NEMP2: variants seen among roughly 807,000 people sequenced by gnomAD.
The protein encoded by NEMP2 is UPF0571 transmembrane protein.
In NEMP2, 53 loss-of-function variants were observed where a neutral mutation model predicts 54.2. That is an observed-to-expected ratio of 0.98 (90% confidence interval 0.78 to 1.23). The LOEUF (loss-of-function observed/expected upper bound fraction) is 1.23, where lower values mean the gene tolerates loss of function less well. Ranked by LOEUF, NEMP2 falls within the 50% of genes most tolerant of loss-of-function variation. The pLI is 0.00. For missense variants in NEMP2, 455 were observed against 511.3 expected (o/e 0.89, Z 1.06); for synonymous variants, 197 against 190.3 (o/e 1.04, Z -0.29).
the NEMP2 span, among the ~76,000 whole-genome samples, chr2:190,576,139 T>A: frequency 6.6e-6 from 1 of 152,080 alleles, no homozygotes; most frequent in African/African-American, 2.4e-5. Context: ...TGGCTTATTT[T>A]AAAATTTTTT....
chr2:190,444,884 T>TA, the NEMP2 span: 5 of 835,996 alleles, frequency 6.0e-6, no homozygotes, highest in Non-Finnish European at 7.2e-6. Context: ...AAAATCATAG[T>TA]AAAAAGTGAC....
chr2:190,633,081 C>T, the NEMP2 span, among the ~76,000 whole-genome samples: 16 of 152,262 alleles, frequency 1.1e-4, no homozygotes, highest in Non-Finnish European at 1.9e-4. Flanking sequence ...AAATCTACTT[C>T]TTTTAAGGTC....
At chr2:190,558,929 TATG>T in the NEMP2 span, among the ~76,000 whole-genome samples, 5 of 152,094 alleles carry the variant, frequency 3.3e-5, no homozygotes, top group African/African-American at 7.2e-5. The surrounding 1 kb of genome is among the most constrained non-coding windows in gnomAD (Gnocchi z 4.4). Flanking sequence ...GTAAAGAAAA[TATG>T]ATGAAACTTT....
rs1392849305 is a variant in NEMP2 at position 190,510,135 on chromosome 2, T to G, written c.1130+226A>C. Among the ~76,000 whole-genome samples the G allele has an allele frequency of 6.6e-6, 1 of 152,212 alleles. No individual in the cohort carries two copies. The highest frequency in any genetic ancestry group is 1.5e-5 in the Non-Finnish European group (1 of 68,032). ...CTTCCCTTCGCATAGGGAAGTTATC[T>G]TTATAGCCTTCCCTATAAAACATCA... On this transcript the variant is annotated intron_variant, in intron 8 of 8. Transcript: ENST00000409150. This position sits in a 1 kb window ranked among gnomAD's most constrained non-coding sequence, Gnocchi z 5.7.
At chr2:190,490,471 G>A in the NEMP2 span, among the ~76,000 whole-genome samples, 1 of 151,998 alleles carries the variant, frequency 6.6e-6, no homozygotes, top group Non-Finnish European at 1.5e-5. The surrounding 1 kb of genome is among the most constrained non-coding windows in gnomAD (Gnocchi z 4.5). Flanking sequence ...GCTGAGGCAG[G>A]AGAATGGCGT....
chr2:190,621,608 T>G, the NEMP2 span, among the ~76,000 whole-genome samples: 2 of 151,978 alleles, frequency 1.3e-5, no homozygotes, highest in Non-Finnish European at 2.9e-5. Context: ...TTTTTTTTTT[T>G]GCAGTAATTG....
the NEMP2 span, among the ~76,000 whole-genome samples, chr2:190,584,915 GAAAGAAAGAAAGAAAGAA>G: frequency 1.5e-5 from 1 of 68,676 alleles, no homozygotes; most frequent in East Asian, 4.9e-4. The surrounding 1 kb of genome is among the most constrained non-coding windows in gnomAD (Gnocchi z 4.2). Flanking sequence ...AAGAAAGAAA[GAAAGAAAGAAAGAAAGAA>G]AGAAAGAAAG....
At chr2:190,569,240 G>A in the NEMP2 span, among the ~76,000 whole-genome samples, 2 of 152,166 alleles carry the variant, frequency 1.3e-5, no homozygotes, top group Non-Finnish European at 2.9e-5. Context: ...GACAATATAT[G>A]TATTTTTGAG....
chr2:190,440,008 A>T, the NEMP2 span, among the ~76,000 whole-genome samples: 1 of 152,198 alleles, frequency 6.6e-6, no homozygotes, highest in Non-Finnish European at 1.5e-5. Context: ...AAGAGAAATG[A>T]TCTCTGAATT....
At chr2:190,582,462 A>G in the NEMP2 span, among the ~76,000 whole-genome samples, 4 of 152,320 alleles carry the variant, frequency 2.6e-5, no homozygotes, top group African/African-American at 7.2e-5. This position sits in a 1 kb window ranked among gnomAD's most constrained non-coding sequence, Gnocchi z 4.6. Context: ...ATATGCCTCT[A>G]AGGAATAAAA....
chr2:190,534,183 A>C, intron 1 of NEMP2: 8 of 1,034,814 alleles, frequency 7.7e-6, no homozygotes, highest in Non-Finnish European at 9.3e-6. Flanking sequence ...GATGTACTGT[A>C]CAAAAGGCCG....
intron 2 of NEMP2, among the ~76,000 whole-genome samples, chr2:190,524,271 T>C (rs552663509): frequency 2.0e-5 from 3 of 152,226 alleles, no homozygotes; most frequent in East Asian, 3.9e-4. Flanking sequence ...TCATCATGAT[T>C]ATTGATTCAG....
chr2:190,482,399 C>CT, the NEMP2 span, among the ~76,000 whole-genome samples: 945 of 142,026 alleles, frequency 6.7e-3, 2 homozygotes, highest in African/African-American at 8.9e-3. Flanking sequence ...GGAAGCTTTC[C>CT]TTTTTTTTTT....
the NEMP2 span, among the ~76,000 whole-genome samples, chr2:190,438,952 A>G: frequency 6.6e-6 from 1 of 151,954 alleles, no homozygotes; most frequent in African/African-American, 2.4e-5. The surrounding 1 kb of genome is among the most constrained non-coding windows in gnomAD (Gnocchi z 5.2). Context: ...CCTTTCTCAG[A>G]TCTTCGATCC....
At chr2:190,595,476 A>G in the NEMP2 span, among the ~76,000 whole-genome samples, 1 of 152,186 alleles carries the variant, frequency 6.6e-6, no homozygotes, top group Admixed American at 6.5e-5. The surrounding 1 kb of genome is among the most constrained non-coding windows in gnomAD (Gnocchi z 4.0). Context: ...CAACATACAG[A>G]GTGGGAAAAA....
At chr2:190,576,809 A>G in the NEMP2 span, among the ~76,000 whole-genome samples, 1 of 152,216 alleles carries the variant, frequency 6.6e-6, no homozygotes, top group Non-Finnish European at 1.5e-5. Flanking sequence ...ATACATTAAC[A>G]TTGTTGGGCA....
chr2:190,562,719 AT>A, the NEMP2 span, among the ~76,000 whole-genome samples: 2 of 152,046 alleles, frequency 1.3e-5, no homozygotes, highest in East Asian at 1.9e-4. The surrounding 1 kb of genome is among the most constrained non-coding windows in gnomAD (Gnocchi z 5.0). Flanking sequence ...TTTAAGGCAT[AT>A]TTTTTTAAAT....
rs1194036506 is a variant in NEMP2 at position 190,533,746 on chromosome 2, G to A, written c.97+813C>T. On this transcript the variant is annotated intron_variant, in intron 1 of 8. Coordinates refer to ENST00000409150, the MANE Select transcript of NEMP2 (RefSeq NM_001142645.2). The surrounding 1 kb of genome is among the most constrained non-coding windows in gnomAD (Gnocchi z 4.3). ...GGGAAGTTGGTAGACAGTGCACCCA[G>A]GAAATCTTTTAAAAGATTTTATGAG... Among the ~76,000 whole-genome samples, 2 of 150,804 alleles carry A rather than the reference G, an allele frequency of 1.3e-5. No homozygotes were observed. The highest frequency in any genetic ancestry group is 2.9e-5 in the Non-Finnish European group (2 of 67,848).
At chr2:190,617,080 C>G in the NEMP2 span, 1 of 151,298 alleles carries the variant, frequency 6.6e-6, no homozygotes, top group African/African-American at 2.4e-5. This position sits in a 1 kb window ranked among gnomAD's most constrained non-coding sequence, Gnocchi z 5.0. Context: ...GAGCCCCGAT[C>G]GCGCCACCGC....
Sources: gnomAD v4.1 joint callset for allele counts (sites outside exome capture counted in the v4.1 genomes callset) on GRCh38, gnomAD v4.1.1 for gene constraint, Gnocchi (gnomAD v3.1) non-coding constraint, MANE v1.5 for transcripts, NCBI Gene and HGNC (gene_info 2026-07-23, HGNC 2026-07-21) for gene names.